Variants in FMNL2 observed in about 807,000 individuals in gnomAD.
The protein encoded by FMNL2 is formin-like protein 2.
In FMNL2, 51 loss-of-function variants were observed where a neutral mutation model predicts 130.2. The observed-to-expected ratio is 0.39, with a 90% confidence interval of 0.31 to 0.49. The LOEUF is 0.49. FMNL2 is among the 20% of genes least tolerant of loss of function. FMNL2 has a pLI of 0.85. For synonymous variants in FMNL2, 465 were observed against 467.1 expected, an observed-to-expected ratio of 1.00 and a Z score of 0.06; for missense variants, 977 against 1,316.2, an observed-to-expected ratio of 0.74 and a Z score of 3.99.
intron 18 of FMNL2, among the ~76,000 whole-genome samples, chr2:152,629,434 T>G (rs972609662): frequency 1.2e-4 from 19 of 152,326 alleles, no homozygotes; most frequent in African/African-American, 4.3e-4. Flanking sequence ...TGTTACTTGC[T>G]ATTGTGAACA....
At chr2:152,573,148 G>T (rs921681415) in intron 6 of FMNL2, among the ~76,000 whole-genome samples, 4 of 152,156 alleles carry the variant, frequency 2.6e-5, no homozygotes, top group Admixed American at 6.5e-5. Context: ...ATAGAATAAA[G>T]ATTTAAAAAG....
chr2:152,538,461 G>A (rs1433953439), intron 2 of FMNL2, among the ~76,000 whole-genome samples: 1 of 151,954 alleles, frequency 6.6e-6, no homozygotes, highest in Non-Finnish European at 1.5e-5. Flanking sequence ...TGTATTTTTA[G>A]TAGAGGTGGG....
At chr2:152,356,810 A>T (rs972947952) in intron 1 of FMNL2, among the ~76,000 whole-genome samples, 5 of 150,596 alleles carry the variant, frequency 3.3e-5, no homozygotes, top group Non-Finnish European at 5.9e-5. Context: ...GTCCAGTGTT[A>T]ACTAAGTGCA....
chr2:152,612,806 A>T (rs1041566261), intron 11 of FMNL2, among the ~76,000 whole-genome samples: 1 of 151,788 alleles, frequency 6.6e-6, no homozygotes, highest in Admixed American at 6.5e-5. Context: ...ACTGGGTTTC[A>T]CCATGTTGGC....
intron 1 of FMNL2, among the ~76,000 whole-genome samples, chr2:152,480,802 T>C (rs1690476231): frequency 6.6e-6 from 1 of 152,160 alleles, no homozygotes; most frequent in Non-Finnish European, 1.5e-5. Flanking sequence ...ACCAGATGCA[T>C]GCAGTAAAAA....
intron 9 of FMNL2, among the ~76,000 whole-genome samples, chr2:152,592,748 C>T (rs963754629): frequency 6.6e-6 from 1 of 152,146 alleles, no homozygotes; most frequent in African/African-American, 2.4e-5. Flanking sequence ...GGCCTACTGA[C>T]GTCTCTAGTA....
intron 11 of FMNL2, 107 bp downstream of exon 11, chr2:152,611,712 A>C (rs1698693090): frequency 2.9e-6 from 2 of 693,112 alleles, no homozygotes; most frequent in East Asian, 2.7e-5. Context: ...AGCTCTATGC[A>C]GTCAACTACT....
At chr2:152,396,206 A>T (rs1685385210) in intron 1 of FMNL2, among the ~76,000 whole-genome samples, 1 of 152,152 alleles carries the variant, frequency 6.6e-6, no homozygotes. Flanking sequence ...GTGTTTCCAC[A>T]CTGGGGGAGC....
intron 1 of FMNL2, among the ~76,000 whole-genome samples, chr2:152,402,171 A>G (rs112588721): frequency 0.019 from 2,907 of 152,102 alleles, 38 homozygotes; most frequent in Middle Eastern, 0.027. Context: ...CAAAGTGCTG[A>G]GATTACAGGC....
intron 11 of FMNL2, 143 bp downstream of exon 11, chr2:152,611,748 CTGAGTGATGTACT>C: frequency 1.8e-6 from 1 of 564,428 alleles, no homozygotes; most frequent in Non-Finnish European, 3.2e-6. Context: ...GGGAACTGAG[CTGAGTGATGTACT>C]CTGCCAGAGA....
chr2:152,594,408 C>A (rs1196011164), intron 9 of FMNL2, among the ~76,000 whole-genome samples: 1 of 152,198 alleles, frequency 6.6e-6, no homozygotes, highest in African/African-American at 2.4e-5. Context: ...GAGCAACAAT[C>A]CTAAAAGAGA....
At chr2:152,402,092 CA>C (rs1685733058) in intron 1 of FMNL2, among the ~76,000 whole-genome samples, 1 of 151,784 alleles carries the variant, frequency 6.6e-6, no homozygotes, top group East Asian at 1.9e-4. Flanking sequence ...TTAGTAGAGA[CA>C]GGGTTTCACC....
chr2:152,515,340 A>C (rs1692708753), intron 1 of FMNL2, among the ~76,000 whole-genome samples: 1 of 151,964 alleles, frequency 6.6e-6, no homozygotes, highest in African/African-American at 2.4e-5. Context: ...CCTCACCTTG[A>C]TTTGTTATTT....
chr2:152,348,818 G>GTTGT (rs1682284011), intron 1 of FMNL2, among the ~76,000 whole-genome samples: 2 of 71,814 alleles, frequency 2.8e-5, no homozygotes, highest in African/African-American at 1.2e-4. Context: ...GCTTCTAAGG[G>GTTGT]TTTTTTTTTT....
chr2:152,502,097 T>C (rs1447376868), intron 1 of FMNL2, among the ~76,000 whole-genome samples: 2 of 152,210 alleles, frequency 1.3e-5, no homozygotes, highest in Non-Finnish European at 2.9e-5. Context: ...TAAGTTCTTC[T>C]TGTGGAAAAC....
chr2:152,444,629 A>G (rs1688242377), intron 1 of FMNL2, among the ~76,000 whole-genome samples: 1 of 152,094 alleles, frequency 6.6e-6, no homozygotes, highest in South Asian at 2.1e-4. Flanking sequence ...GGAGGAAGAG[A>G]CTGAATCCTG....
At chr2:152,415,259 T>C (rs1686546469) in intron 1 of FMNL2, among the ~76,000 whole-genome samples, 1 of 151,970 alleles carries the variant, frequency 6.6e-6, no homozygotes, top group African/African-American at 2.4e-5. Flanking sequence ...ATCATGCAGG[T>C]TCTTGGCTCG....
chr2:152,573,561 TTAGAG>T, intron 6 of FMNL2, among the ~76,000 whole-genome samples: 1 of 152,322 alleles, frequency 6.6e-6, no homozygotes, highest in African/African-American at 2.4e-5. Flanking sequence ...CAAGAAAGGA[TTAGAG>T]TAAATGATAC....
At chr2:152,489,310 G>C (rs1262333552) in intron 1 of FMNL2, among the ~76,000 whole-genome samples, 17 of 152,228 alleles carry the variant, frequency 1.1e-4, no homozygotes. Flanking sequence ...CTGGGGCTGA[G>C]CCTGTCTTAT....
Sources: allele counts gnomAD v4.1 joint callset (sites outside exome capture counted in the v4.1 genomes callset), GRCh38; gene constraint gnomAD v4.1.1; transcripts MANE v1.5; gene names NCBI Gene and HGNC (gene_info 2026-07-23, HGNC 2026-07-21).